Variants in SKAP1 observed in about 807,000 individuals in gnomAD.
SKAP1 encodes src kinase-associated phosphoprotein 1.
Under a neutral mutation model 58.5 loss-of-function variants are expected in SKAP1, and 44 were observed. The ratio of observed to expected loss-of-function variants is 0.75; its 90% CI spans 0.59 to 0.97. The LOEUF (loss-of-function observed/expected upper bound fraction) is 0.97, where lower values mean the gene tolerates loss of function less well. SKAP1 is among the 50% of genes least tolerant of loss of function. The pLI, the probability that SKAP1 is intolerant of heterozygous loss-of-function variation, is 0.00. For missense variants in SKAP1, 390 were observed against 435.2 expected (o/e 0.90, Z 0.92); for synonymous variants, 127 against 149.7 (o/e 0.85, Z 1.11).
chr17:48,396,737 G>A lies in SKAP1; in HGVS notation c.95C>T (p.Ala32Val), dbSNP rs746503212. ...ATGGTCTCTGTGATCCCTTGCAACA[G>A]CGCTGAGGTTCTCATTCCGCAAACC... Reference protein sequence around the residue: ...AEGLRNENLSAVARDHRDHIL... With the variant: ...AEGLRNENLSVVARDHRDHIL... Residue 32 changes from alanine (A) to valine (V), a missense_variant, in exon 2 of 13, where the codon GCT becomes GTT. Physicochemically the swap from Ala to Val is moderately conservative, Grantham distance 64. Transcript: ENST00000336915. 1.9e-6 allele frequency: 3 copies of A among 1,613,698 alleles called. No homozygotes were observed. The East Asian group carries it at 6.7e-5, about 36-fold the overall frequency.
chr17:48,172,506 CT>C (rs1437437577), intron 9 of SKAP1, among the ~76,000 whole-genome samples: 1 of 152,136 alleles, frequency 6.6e-6, no homozygotes, highest in Non-Finnish European at 1.5e-5. Flanking sequence ...GAAAAATACA[CT>C]CGTTATTCTT....
chr17:48,334,720 A>G (rs1486653052), intron 4 of SKAP1, among the ~76,000 whole-genome samples: 3 of 151,956 alleles, frequency 2.0e-5, no homozygotes, highest in Non-Finnish European at 2.9e-5. Flanking sequence ...AAAAATACAT[A>G]CAAATTAGAT....
At chr17:48,328,936 C>G (rs946976705) in intron 4 of SKAP1, among the ~76,000 whole-genome samples, 2 of 152,132 alleles carry the variant, frequency 1.3e-5, no homozygotes, top group African/African-American at 4.8e-5. Context: ...AGTCATTTTT[C>G]TAGAGCTGTG....
intron 4 of SKAP1, among the ~76,000 whole-genome samples, chr17:48,201,305 G>GTTCC (rs913658915): frequency 1.5e-5 from 2 of 131,758 alleles, no homozygotes; most frequent in African/African-American, 5.7e-5. Flanking sequence ...TCCTTTCTTC[G>GTTCC]TTCCTTCCTT....
At chr17:48,401,870 A>T (rs1321095115) in intron 1 of SKAP1, among the ~76,000 whole-genome samples, 1 of 152,234 alleles carries the variant, frequency 6.6e-6, no homozygotes. Context: ...TTTGCAAATC[A>T]TATAGCTGAT....
chr17:48,407,489 G>A (rs2067601997), intron 1 of SKAP1, among the ~76,000 whole-genome samples: 1 of 152,168 alleles, frequency 6.6e-6, no homozygotes, highest in Admixed American at 6.5e-5. Flanking sequence ...TATATGCCAG[G>A]ATTTCACATA....
chr17:48,440,069 G>A, the SKAP1 span, among the ~76,000 whole-genome samples: 1 of 152,188 alleles, frequency 6.6e-6, no homozygotes, highest in African/African-American at 2.4e-5. Flanking sequence ...CCTGGCAGCT[G>A]ATAGTTCAGC....
chr17:48,236,332 G>A (rs1010034604), intron 4 of SKAP1, among the ~76,000 whole-genome samples: 5 of 152,210 alleles, frequency 3.3e-5, no homozygotes, highest in African/African-American at 1.2e-4. Context: ...TTTGTATTAA[G>A]GTTTCTACGA....
At chr17:48,339,686 A>C (rs2066621881) in intron 4 of SKAP1, among the ~76,000 whole-genome samples, 1 of 152,182 alleles carries the variant, frequency 6.6e-6, no homozygotes, top group East Asian at 1.9e-4. Context: ...GATTCCACCT[A>C]AGATTTATCC....
chr17:48,239,159 C>G (rs531868486), intron 4 of SKAP1, among the ~76,000 whole-genome samples: 1 of 152,284 alleles, frequency 6.6e-6, no homozygotes, highest in East Asian at 1.9e-4. Flanking sequence ...TTCCTGAAGA[C>G]AGAAATGAAT....
At chr17:48,185,803 T>C (rs1005914561) in intron 6 of SKAP1, 2 of 152,492 alleles carry the variant, frequency 1.3e-5, no homozygotes, top group African/African-American at 4.8e-5. Context: ...GAAAATGTCA[T>C]GGGCACAGTA....
intron 2 of SKAP1, among the ~76,000 whole-genome samples, chr17:48,375,386 A>T (rs942669775): frequency 6.6e-6 from 1 of 152,240 alleles, no homozygotes; most frequent in Non-Finnish European, 1.5e-5. Context: ...TTGAAAAGAA[A>T]TTAAAGTACT....
chr17:48,405,673 G>T (rs1376017192), intron 1 of SKAP1, among the ~76,000 whole-genome samples: 1 of 151,226 alleles, frequency 6.6e-6, no homozygotes, highest in African/African-American at 2.4e-5. Flanking sequence ...GCTAATGTTT[G>T]TATTTTTAGT....
At chr17:48,153,864 A>G (rs1178953096) in intron 11 of SKAP1, among the ~76,000 whole-genome samples, 1 of 151,076 alleles carries the variant, frequency 6.6e-6, no homozygotes, top group Non-Finnish European at 1.5e-5. Flanking sequence ...GATGTCACCA[A>G]ACACCTCCTT....
At chr17:48,390,280 T>C (rs935161924) in intron 2 of SKAP1, among the ~76,000 whole-genome samples, 2 of 152,230 alleles carry the variant, frequency 1.3e-5, no homozygotes, top group Non-Finnish European at 2.9e-5. Context: ...GCCTTTTTCA[T>C]TGGCTTTCCT....
chr17:48,233,404 A>G (rs1303895680), intron 4 of SKAP1, among the ~76,000 whole-genome samples: 1 of 152,186 alleles, frequency 6.6e-6, no homozygotes, highest in African/African-American at 2.4e-5. Context: ...GGTTTTGTTG[A>G]ACTGTGTTGT....
At chr17:48,363,867 A>C in intron 2 of SKAP1, 53 bp from the exon 3 acceptor site, 7 of 1,556,286 alleles carry the variant, frequency 4.5e-6, no homozygotes, top group Non-Finnish European at 6.1e-6. Flanking sequence ...GTATTTCTCA[A>C]TTTTGGTTGG....
At chr17:48,436,953 C>T in the SKAP1 span, among the ~76,000 whole-genome samples, 3 of 152,286 alleles carry the variant, frequency 2.0e-5, no homozygotes, top group Admixed American at 1.3e-4. Flanking sequence ...TCTTTCTGTC[C>T]ATCTTAACTG....
intron 10 of SKAP1, among the ~76,000 whole-genome samples, chr17:48,164,823 G>A (rs1206147963): frequency 6.6e-6 from 1 of 152,200 alleles, no homozygotes; most frequent in Admixed American, 6.5e-5. Flanking sequence ...TCTCTATTAA[G>A]GAAATCAGTG....
Sources: gnomAD v4.1 joint callset for allele counts (sites outside exome capture counted in the v4.1 genomes callset) on GRCh38, gnomAD v4.1.1 for gene constraint, MANE v1.5 for transcripts, NCBI Gene and HGNC (gene_info 2026-07-23, HGNC 2026-07-21) for gene names.